The following DCUN1D4 variants were observed in gnomAD, a reference collection of about 807,000 sequenced individuals.
The protein encoded by DCUN1D4 is defective in cullin neddylation 1 domain containing 4.
DCUN1D4 carries 22 observed loss-of-function variants against 47.9 expected under a neutral mutation model. The ratio of observed to expected loss-of-function variants is 0.46; its 90% confidence interval spans 0.33 to 0.66. DCUN1D4 has a LOEUF of 0.66. Among genes scored for constraint, DCUN1D4 ranks in the 30% least tolerant of loss-of-function variants. DCUN1D4 has a pLI of 0.02. For missense variants in DCUN1D4, 301 were observed against 340.8 expected, an observed-to-expected ratio of 0.88 and a Z score of 0.92; for synonymous variants, 121 against 112.2, an observed-to-expected ratio of 1.08 and a Z score of -0.50.
At chr4:51,845,110 G>A (rs1722328876) in intron 1 of DCUN1D4, 13 of 985,440 alleles carry the variant, frequency 1.3e-5, no homozygotes, top group Admixed American at 6.1e-5. Context: ...TCATGCGCAC[G>A]GGTTGTGGGA....
intron 1 of DCUN1D4, among the ~76,000 whole-genome samples, chr4:51,845,530 A>G (rs1722402200): frequency 6.6e-6 from 1 of 152,160 alleles, no homozygotes; most frequent in Non-Finnish European, 1.5e-5. Flanking sequence ...TTAATACTAG[A>G]AACCTTCCTC....
chr4:51,897,092 T>C (rs1357983402), intron 7 of DCUN1D4, among the ~76,000 whole-genome samples: 2 of 152,180 alleles, frequency 1.3e-5, no homozygotes, highest in Non-Finnish European at 2.9e-5. Flanking sequence ...CTCCAAAATA[T>C]CTAGTTCCTG....
chr4:51,888,735 A>C (rs1026678024), intron 6 of DCUN1D4, among the ~76,000 whole-genome samples: 10 of 151,688 alleles, frequency 6.6e-5, no homozygotes, highest in Non-Finnish European at 1.5e-5. Context: ...AAAAAAAAAA[A>C]AAAAAAAACT....
chr4:51,843,322 C>T lies in DCUN1D4; in HGVS notation c.25+55C>T, dbSNP rs1041338867. The stretch of plus-strand genomic sequence containing the variant: ...GGGGCCGGGCGGCTGCCAAACTCGC[C>T]ACTCGGCTCCCGCAGTCCCCGCCCC... On this transcript the variant is annotated intron_variant, in intron 1 of 10. Transcript: ENST00000334635. 18 of 1,491,316 alleles carry T rather than the reference C, an allele frequency of 1.2e-5. No individual in the cohort carries two copies. In the Admixed American group the frequency reaches 3.6e-4, roughly 29 times the overall value. 92.4% of individuals were successfully genotyped at this position (1,491,316 alleles called of 1,614,324 possible).
intron 1 of DCUN1D4, among the ~76,000 whole-genome samples, chr4:51,855,993 C>T (rs1222268532): frequency 6.6e-6 from 1 of 152,174 alleles, no homozygotes; most frequent in African/African-American, 2.4e-5. Flanking sequence ...GAGGCTGAGC[C>T]ATGTGACCCA....
At chr4:51,855,928 C>G (rs190860761) in intron 1 of DCUN1D4, among the ~76,000 whole-genome samples, 3 of 152,282 alleles carry the variant, frequency 2.0e-5, no homozygotes, top group Admixed American at 1.3e-4. Context: ...GCAGCCTTGG[C>G]TTTAACAATT....
intron 1 of DCUN1D4, among the ~76,000 whole-genome samples, chr4:51,852,681 A>T (rs1015060109): frequency 5.9e-5 from 9 of 152,232 alleles, no homozygotes; most frequent in African/African-American, 2.2e-4. Context: ...ATTAACGTTG[A>T]TTGGCACATA....
chr4:51,835,909 T>C, the DCUN1D4 span, among the ~76,000 whole-genome samples: 102 of 152,284 alleles, frequency 6.7e-4, no homozygotes, highest in South Asian at 4.1e-3. Flanking sequence ...CCTCTCTTGC[T>C]TCATGTAAAG....
At chr4:51,905,299 C>G (rs966924892) in intron 8 of DCUN1D4, 36 of 437,730 alleles carry the variant, frequency 8.2e-5, no homozygotes, top group South Asian at 5.7e-4. Context: ...CAGCAGGGCC[C>G]GCATCTGCCC....
intron 5 of DCUN1D4, among the ~76,000 whole-genome samples, chr4:51,880,266 G>A (rs1463555431): frequency 6.6e-6 from 1 of 152,298 alleles, no homozygotes; most frequent in South Asian, 2.1e-4. Flanking sequence ...GTGGGAACAG[G>A]CTGTGATGCC....
chr4:51,913,517 C>G lies in DCUN1D4; in HGVS notation c.824-12C>G, dbSNP rs771598702. The G allele has an allele frequency of 6.2e-7, 1 of 1,610,790 alleles. No homozygotes were observed. The highest frequency in any genetic ancestry group is 1.7e-5 in the Admixed American group (1 of 59,864). ...TTATTATTATTACTACTGTTTCTCTCTTTCTCTCCAGGGCCAGTTTTGTTG... is the reference window on the plus strand; with the variant it reads ...TTATTATTATTACTACTGTTTCTCTGTTTCTCTCCAGGGCCAGTTTTGTTG... On this transcript the variant is annotated splice_polypyrimidine_tract_variant and intron_variant, in intron 10 of 10. Transcript: ENST00000334635.
intron 8 of DCUN1D4, among the ~76,000 whole-genome samples, chr4:51,900,702 T>C (rs1388639063): frequency 6.6e-6 from 1 of 152,080 alleles, no homozygotes; most frequent in African/African-American, 2.4e-5. Context: ...ATTTGCCAGA[T>C]GCTTTTTTTT....
At chr4:51,844,107 G>T (rs1401583304) in intron 1 of DCUN1D4, among the ~76,000 whole-genome samples, 9 of 148,748 alleles carry the variant, frequency 6.1e-5, no homozygotes, top group Non-Finnish European at 1.3e-4. Context: ...GTGGGGGCAG[G>T]GGTGGAGAAT....
chr4:51,837,659 A>C, the DCUN1D4 span, among the ~76,000 whole-genome samples: 2 of 140,622 alleles, frequency 1.4e-5, no homozygotes, highest in Admixed American at 6.9e-5. Context: ...CGTCTCAAAA[A>C]AAAAAAAAAA....
chr4:51,842,962 G>T (rs1721831025), upstream of DCUN1D4: 1 of 979,114 alleles, frequency 1.0e-6, no homozygotes, highest in South Asian at 3.4e-5. Flanking sequence ...CGCCAGGGGC[G>T]TTACGGAGAC....
chr4:51,842,889 C>T (rs534611385), upstream of DCUN1D4: 6 of 362,546 alleles, frequency 1.7e-5, no homozygotes, highest in Non-Finnish European at 2.8e-5. Context: ...TACACGCGCT[C>T]TCGGACCCCT....
intron 1 of DCUN1D4, among the ~76,000 whole-genome samples, chr4:51,855,049 G>C (rs897148208): frequency 6.6e-6 from 1 of 152,148 alleles, no homozygotes; most frequent in African/African-American, 2.4e-5. Flanking sequence ...ATAGAGTAGT[G>C]AATAAAGCAA....
At chr4:51,837,625 C>T in the DCUN1D4 span, among the ~76,000 whole-genome samples, 93 of 140,094 alleles carry the variant, frequency 6.6e-4, 1 homozygote, top group South Asian at 0.016. Context: ...ACAGCACTCC[C>T]GCCTGGGCGA....
intron 7 of DCUN1D4, among the ~76,000 whole-genome samples, chr4:51,896,360 G>A (rs1731258192): frequency 6.6e-6 from 1 of 151,924 alleles, no homozygotes; most frequent in Non-Finnish European, 1.5e-5. Flanking sequence ...TTTAACTATG[G>A]GGTAGTTATC....
Sources: gnomAD v4.1 joint callset for allele counts (sites outside exome capture counted in the v4.1 genomes callset) on GRCh38, gnomAD v4.1.1 for gene constraint, MANE v1.5 for transcripts, NCBI Gene and HGNC (gene_info 2026-07-23, HGNC 2026-07-21) for gene names.